CSGALNACT1: variants seen among roughly 807,000 people sequenced by gnomAD.
CSGALNACT1 encodes beta4GalNAcT-1.
CSGALNACT1 carries 52 observed loss-of-function variants against 51.0 expected under a neutral mutation model. The ratio of observed to expected loss-of-function variants is 1.02; its 90% CI spans 0.82 to 1.29. The LOEUF (loss-of-function observed/expected upper bound fraction) is 1.29. CSGALNACT1 is among the 50% of genes most tolerant of loss of function. The pLI, the probability that CSGALNACT1 is intolerant of heterozygous loss-of-function variation, is 0.00. For missense variants in CSGALNACT1, 935 were observed against 679.2 expected, an observed-to-expected ratio of 1.38 and a Z score of -4.19; for synonymous variants, 341 against 254.4, an observed-to-expected ratio of 1.34 and a Z score of -3.24.
chr8:19,555,838 A>C (rs2089583721), intron 3 of CSGALNACT1, among the ~76,000 whole-genome samples: 2 of 152,182 alleles, frequency 1.3e-5, no homozygotes, highest in Admixed American at 1.3e-4. Context: ...TATGTGAGTG[A>C]CTGAAATGCA....
At chr8:19,689,577 C>T (rs1472477979) in intron 1 of CSGALNACT1, among the ~76,000 whole-genome samples, 2 of 152,160 alleles carry the variant, frequency 1.3e-5, no homozygotes, top group Non-Finnish European at 2.9e-5. Flanking sequence ...CTGGCTTCTG[C>T]TTAAAAATTC....
chr8:19,533,609 C>T (rs2083199569), intron 3 of CSGALNACT1, among the ~76,000 whole-genome samples: 2 of 152,066 alleles, frequency 1.3e-5, no homozygotes, highest in Admixed American at 6.6e-5. Context: ...TATTTTTGAT[C>T]ATATCTTTTC....
intron 3 of CSGALNACT1, among the ~76,000 whole-genome samples, chr8:19,530,136 G>T (rs112670714): frequency 0.14 from 20,745 of 152,036 alleles, 1,641 homozygotes; most frequent in Non-Finnish European, 0.18. Context: ...CATGAAAATT[G>T]CATGAACCCA....
chr8:19,745,543 C>G (rs1366849263), intron 1 of CSGALNACT1, among the ~76,000 whole-genome samples: 1 of 152,206 alleles, frequency 6.6e-6, no homozygotes, highest in Non-Finnish European at 1.5e-5. Context: ...GGATTTCAAA[C>G]TTTAATTCAC....
chr8:19,458,647 T>A lies in CSGALNACT1; in HGVS notation c.635-5A>T. The A allele has an allele frequency of 1.9e-6, 3 of 1,613,674 alleles. No homozygotes were observed. Among genetic ancestry groups the A allele is most frequent in the Non-Finnish European group, 2.5e-6 (3 of 1,179,578 alleles). ...CCCTTTCTGTTCGGTAGATCCCTGT[T>A]AAGAGAAAAACAAGGAAAGATAGTT... is the stretch of plus-strand genomic sequence containing the variant. On this transcript the variant is annotated splice_region_variant and splice_polypyrimidine_tract_variant and intron_variant, in intron 4 of 9. Coordinates refer to ENST00000454498, the Ensembl canonical transcript of CSGALNACT1.
At chr8:19,572,055 T>G (rs2043162450) in intron 3 of CSGALNACT1, among the ~76,000 whole-genome samples, 1 of 152,248 alleles carries the variant, frequency 6.6e-6, no homozygotes, top group Admixed American at 6.5e-5. Context: ...ATCAGCCACC[T>G]TCAAGTGTTT....
intron 3 of CSGALNACT1, among the ~76,000 whole-genome samples, chr8:19,514,415 C>T (rs1046524657): frequency 1.1e-4 from 15 of 141,400 alleles, no homozygotes; most frequent in African/African-American, 3.8e-4. Context: ...CCAGCTGTCT[C>T]CAAACATTAA....
At chr8:19,560,927 TTCAA>T (rs1488747674) in intron 3 of CSGALNACT1, among the ~76,000 whole-genome samples, 4 of 152,226 alleles carry the variant, frequency 2.6e-5, no homozygotes, top group African/African-American at 7.2e-5. Context: ...CATATTTTCA[TTCAA>T]TCAAATACTT....
intron 1 of CSGALNACT1, among the ~76,000 whole-genome samples, chr8:19,723,656 T>C (rs1739793899): frequency 6.6e-6 from 1 of 152,210 alleles, no homozygotes; most frequent in South Asian, 2.1e-4. Context: ...TCATGGCTAG[T>C]TCCTCCCACA....
Position 19,448,353 on chromosome 8 carries a change from T to C in CSGALNACT1, c.852-8422A>G, listed in dbSNP as rs554070324. On this transcript the variant is annotated intron_variant, in intron 5 of 9. Transcript: ENST00000454498. ...GGATGACCATGTATGGTCTTTGTAGTAGAACCAATCAACCAGGTTTTCCTG... is the reference window on the plus strand; with the variant it reads ...GGATGACCATGTATGGTCTTTGTAGCAGAACCAATCAACCAGGTTTTCCTG... Among the ~76,000 whole-genome samples the C allele has an allele frequency of 6.6e-5, 10 of 152,288 alleles. No homozygotes were observed. The South Asian group carries it at 1.7e-3, about 25-fold the overall frequency.
intron 3 of CSGALNACT1, among the ~76,000 whole-genome samples, chr8:19,549,110 A>G (rs576366436): frequency 2.2e-4 from 32 of 147,052 alleles, no homozygotes; most frequent in African/African-American, 8.3e-4. Flanking sequence ...AGCCAGCAAG[A>G]CTAGCTGCTT....
At chr8:19,558,571 T>C (rs1360845547) in intron 3 of CSGALNACT1, among the ~76,000 whole-genome samples, 1 of 152,214 alleles carries the variant, frequency 6.6e-6, no homozygotes, top group Non-Finnish European at 1.5e-5. Flanking sequence ...ATATCCTGTA[T>C]TTTATATCAT....
chr8:19,613,527 C>T (rs555906294), intron 1 of CSGALNACT1, among the ~76,000 whole-genome samples: 47 of 152,288 alleles, frequency 3.1e-4, no homozygotes, highest in Admixed American at 3.0e-3. Context: ...TACAATATTC[C>T]ATTGTTTTGC....
exon 10 of CSGALNACT1, chr8:19,405,990 T>C: frequency 6.2e-7 from 1 of 1,614,174 alleles, no homozygotes; most frequent in Non-Finnish European, 8.5e-7. Flanking sequence ...TCCGTACCAC[T>C]ATGAGGTTGC....
intron 1 of CSGALNACT1, among the ~76,000 whole-genome samples, chr8:19,668,176 A>T (rs920545380): frequency 1.3e-5 from 2 of 152,176 alleles, no homozygotes; most frequent in African/African-American, 4.8e-5. Context: ...AAAATGCAAA[A>T]AAGGAATGGT....
chr8:19,562,757 G>A (rs1339583775), intron 3 of CSGALNACT1, among the ~76,000 whole-genome samples: 1 of 152,132 alleles, frequency 6.6e-6, no homozygotes, highest in East Asian at 1.9e-4. Context: ...TCAGAATGGT[G>A]ATTATTACAG....
chr8:19,428,822 G>GAA (rs2059186848), intron 6 of CSGALNACT1, among the ~76,000 whole-genome samples: 4 of 59,966 alleles, frequency 6.7e-5, no homozygotes, highest in African/African-American at 1.9e-4. Flanking sequence ...CATAAGACAT[G>GAA]ATATGTGTGT....
At chr8:19,409,326 C>G (rs2055108516) in intron 8 of CSGALNACT1, among the ~76,000 whole-genome samples, 1 of 152,206 alleles carries the variant, frequency 6.6e-6, no homozygotes, top group African/African-American at 2.4e-5. Context: ...CATTCATCTT[C>G]ACGCTATTTT....
upstream of CSGALNACT1, among the ~76,000 whole-genome samples, chr8:19,683,945 C>T (rs950020904): frequency 4.3e-4 from 66 of 152,082 alleles, no homozygotes; most frequent in African/African-American, 1.5e-3. Flanking sequence ...GCAGGTGGAT[C>T]ATCTGAGGTC....
Sources: allele counts gnomAD v4.1 joint callset (sites outside exome capture counted in the v4.1 genomes callset), GRCh38; gene constraint gnomAD v4.1.1; transcripts MANE v1.5; gene names NCBI Gene and HGNC (gene_info 2026-07-23, HGNC 2026-07-21).